The following POF1B variants were observed in gnomAD, a reference collection of about 807,000 sequenced individuals.
POF1B encodes protein POF1B.
POF1B carries 53 observed loss-of-function variants against 55.3 expected under a neutral mutation model. The ratio of observed to expected loss-of-function variants is 0.96; its 90% CI spans 0.77 to 1.20. The LOEUF (loss-of-function observed/expected upper bound fraction) is 1.20, where lower values mean the gene tolerates loss of function less well. Among genes scored for constraint, POF1B ranks in the 50% most tolerant of loss-of-function variants. POF1B has a pLI of 0.00. For synonymous variants in POF1B, 188 were observed against 148.3 expected (o/e 1.27, Z -1.95); for missense variants, 478 against 420.5 (o/e 1.14, Z -1.20).
chrX:85,355,264 G>A (rs1225899609), intron 4 of POF1B, among the ~76,000 whole-genome samples: 1 of 111,754 alleles, frequency 8.9e-6, no homozygotes, highest in Non-Finnish European at 1.9e-5. Flanking sequence ...TATGTAGAAA[G>A]CTGAAACTGG....
At chrX:85,322,595 G>A (rs1453779238) in intron 7 of POF1B, among the ~76,000 whole-genome samples, 3 of 111,607 alleles carry the variant, frequency 2.7e-5, no homozygotes, top group African/African-American at 9.8e-5. Flanking sequence ...TTGACAAATG[G>A]GATCTAATTA....
intron 3 of POF1B, among the ~76,000 whole-genome samples, chrX:85,361,982 GTGTGTGTA>G (rs1933631537): frequency 9.2e-6 from 1 of 109,055 alleles, no homozygotes; most frequent in South Asian, 4.0e-4. Context: ...GTGTGTGTGT[GTGTGTGTA>G]TGTGTGTGTG....
In POF1B at chrX:85,351,338, A is replaced by C. The variant is rs773404631; in HGVS notation, c.540+12T>G. On this transcript the variant is annotated intron_variant, in intron 5 of 16. Coordinates refer to ENST00000262753, the MANE Select transcript of POF1B (RefSeq NM_024921.4). The stretch of plus-strand genomic sequence containing the variant: ...CACTTAAAAACAAGTTTTAAAACAA[A>C]ATATTACTTACCTGATCAGTATTTA... 2.7e-6 allele frequency: 3 copies of C among 1,103,953 alleles called. No individual in the cohort carries two copies. Among genetic ancestry groups the C allele is most frequent in the Non-Finnish European group, 3.7e-6 (3 of 814,086 alleles). The allele number at this position is 1,103,953 out of a possible 1,213,427, so 91.0% of individuals were successfully genotyped here. A position where few individuals can be genotyped will look rare whatever the true frequency, so the allele number is the denominator to read the frequency against.
chrX:85,371,559 G>C (rs1569300311), intron 2 of POF1B, among the ~76,000 whole-genome samples: 1 of 111,314 alleles, frequency 9.0e-6, no homozygotes, highest in East Asian at 2.8e-4. Flanking sequence ...CATGACTCCA[G>C]AACTCATGCT....
At chrX:85,326,794 TC>T (rs903147121) in intron 7 of POF1B, among the ~76,000 whole-genome samples, 2 of 109,269 alleles carry the variant, frequency 1.8e-5, no homozygotes, top group African/African-American at 6.7e-5. Context: ...CTGCTTCCCC[TC>T]CCACTTGAGC....
At chrX:85,299,578 G>A (rs1263121643) in intron 15 of POF1B, among the ~76,000 whole-genome samples, 8 of 100,439 alleles carry the variant, frequency 8.0e-5, no homozygotes, top group South Asian at 4.9e-4. Flanking sequence ...GTGAGCCACC[G>A]CGCCCAGCCT....
chrX:85,312,150 C>G (rs1932716930), intron 9 of POF1B, among the ~76,000 whole-genome samples: 1 of 111,860 alleles, frequency 8.9e-6, no homozygotes. Flanking sequence ...ATAATAGTTT[C>G]TTTTGCTGTG....
intron 15 of POF1B, among the ~76,000 whole-genome samples, chrX:85,286,983 T>A (rs1216456177): frequency 1.8e-5 from 2 of 111,006 alleles, no homozygotes; most frequent in Non-Finnish European, 3.8e-5. Flanking sequence ...AACCAAAAAA[T>A]TTAAATCTAA....
chrX:85,282,037 A>C, intron 16 of POF1B, 166 bp downstream of exon 16: 2 of 517,368 alleles, frequency 3.9e-6, no homozygotes, highest in Non-Finnish European at 5.4e-6. Context: ...ACATGTATGA[A>C]TCTTTCCAAA....
Position 85,303,444 on chromosome X carries a change from T to C in POF1B, c.1611A>G (p.Gln537=), listed in dbSNP as rs1304928177. The stretch of plus-strand genomic sequence containing the variant: ...TAGTAGTCCTTCCACCAGTGGAGGG[T>C]TGGTTATGAGAGGAATATATTTCTT... ...LRQEIYSSHN[Q]PSTGGRTTIT... The change falls in exon 15 of 17, where the codon CAA becomes CAG. Residue 537 remains glutamine, a synonymous_variant. Transcript: ENST00000262753. 1 of 1,193,094 alleles carries C rather than the reference T, an allele frequency of 8.4e-7. No homozygotes were observed. The highest frequency in any genetic ancestry group is 1.8e-5 in the African/African-American group (1 of 56,548).
chrX:85,370,107 G>T (rs56788041), intron 2 of POF1B, among the ~76,000 whole-genome samples: 5 of 112,058 alleles, frequency 4.5e-5, no homozygotes, highest in African/African-American at 1.6e-4. Flanking sequence ...TTATAAATCT[G>T]CAGAAATTTA....
intron 6 of POF1B, among the ~76,000 whole-genome samples, chrX:85,345,124 G>A (rs1933244783): frequency 1.8e-5 from 2 of 111,007 alleles, no homozygotes; most frequent in African/African-American, 6.5e-5. Context: ...AGGTGCCTAT[G>A]AAAGAGGTCA....
At chrX:85,333,276 A>T (rs748459556) in intron 6 of POF1B, among the ~76,000 whole-genome samples, 6 of 110,923 alleles carry the variant, frequency 5.4e-5, no homozygotes, top group Non-Finnish European at 9.5e-5. Flanking sequence ...GTGAAAACTA[A>T]AACTATGCCA....
intron 15 of POF1B, among the ~76,000 whole-genome samples, chrX:85,288,333 C>G (rs1357067096): frequency 9.0e-6 from 1 of 110,813 alleles, no homozygotes; most frequent in African/African-American, 3.3e-5. Context: ...AACTCTATAC[C>G]AGACATGGCA....
chrX:85,351,226 T>C lies in POF1B; in HGVS notation c.540+124A>G, dbSNP rs986990123. 57 of 419,432 alleles carry C rather than the reference T, an allele frequency of 1.4e-4. No individual in the cohort carries two copies. In the African/African-American group the frequency reaches 1.4e-3, roughly 11 times the overall value. 34.6% of individuals were successfully genotyped at this position (419,432 alleles called of 1,213,427 possible). A position where few individuals can be genotyped will look rare whatever the true frequency, so the allele number is the denominator to read the frequency against. ...ATGGTATGAAGGGCTGTAGATATCA[T>C]AGCATATTATAACTCATGGTGGTCT... On this transcript the variant is annotated intron_variant, in intron 5 of 16. Coordinates refer to ENST00000262753, the MANE Select transcript of POF1B (RefSeq NM_024921.4).
At chrX:85,293,696 G>A (rs1181191808) in intron 15 of POF1B, among the ~76,000 whole-genome samples, 1 of 111,925 alleles carries the variant, frequency 8.9e-6, no homozygotes, top group Admixed American at 9.5e-5. Context: ...AAAACAGGCC[G>A]GGCATGGTGG....
chrX:85,327,785 T>C (rs12557215), intron 7 of POF1B, among the ~76,000 whole-genome samples: 24,160 of 111,501 alleles, frequency 0.22, 2,487 homozygotes, highest in African/African-American at 0.41. Flanking sequence ...CCTTACTTCT[T>C]CCAATTCAAA....
chrX:85,363,310 A>G (rs1019575997), intron 3 of POF1B, among the ~76,000 whole-genome samples: 6 of 110,511 alleles, frequency 5.4e-5, no homozygotes, highest in African/African-American at 2.0e-4. Flanking sequence ...TTTGCTCTTC[A>G]TTGTCTAATT....
At chrX:85,290,993 T>C (rs749552406) in intron 15 of POF1B, among the ~76,000 whole-genome samples, 16 of 112,258 alleles carry the variant, frequency 1.4e-4, no homozygotes, top group Non-Finnish European at 3.0e-4. Flanking sequence ...GACATCTTGG[T>C]CATTAAATCT....
Sources: gnomAD v4.1 joint callset for allele counts (sites outside exome capture counted in the v4.1 genomes callset) on GRCh38, gnomAD v4.1.1 for gene constraint, MANE v1.5 for transcripts, NCBI Gene and HGNC (gene_info 2026-07-23, HGNC 2026-07-21) for gene names.